SH3PXD2A: variants seen among roughly 807,000 people sequenced by gnomAD.
SH3PXD2A encodes the protein SH3 and PX domains 2A, also known as SH3 and PX domain-containing protein 2A.
SH3PXD2A carries 32 observed loss-of-function variants against 115.2 expected under a neutral mutation model. The observed-to-expected ratio is 0.28, with a 90% CI of 0.21 to 0.37. SH3PXD2A has a LOEUF of 0.37. Ranked by LOEUF, SH3PXD2A falls within the 10% of genes least tolerant of loss-of-function variation. The probability of loss-of-function intolerance (pLI) is 1.00; values close to 1 mark genes in which losing one functional copy is unlikely to be tolerated. For missense variants in SH3PXD2A, 1,328 were observed against 1,498.7 expected, an observed-to-expected ratio of 0.89 and a Z score of 1.88; for synonymous variants, 610 against 629.1, an observed-to-expected ratio of 0.97 and a Z score of 0.45.
At chr10:103,618,766 C>G (rs1368837629) in intron 10 of SH3PXD2A, among the ~76,000 whole-genome samples, 1 of 152,214 alleles carries the variant, frequency 6.6e-6, no homozygotes, top group Non-Finnish European at 1.5e-5. Flanking sequence ...CTCCTGGCTC[C>G]CAGCTGTGAC....
intron 8 of SH3PXD2A, among the ~76,000 whole-genome samples, chr10:103,657,770 T>G (rs2037232200): frequency 6.6e-6 from 1 of 152,210 alleles, no homozygotes; most frequent in East Asian, 1.9e-4. Context: ...AATGGATCAA[T>G]GAACAACATG....
chr10:103,769,177 T>TGCGCGC (rs1168636744), intron 2 of SH3PXD2A, among the ~76,000 whole-genome samples: 2 of 112,532 alleles, frequency 1.8e-5, no homozygotes, highest in African/African-American at 6.6e-5. Context: ...TGTGTGTGTG[T>TGCGCGC]GTGTGCGCGC....
At position 103,603,459 on chromosome 10, in the gene SH3PXD2A, C is replaced by T; in HGVS notation, c.1759G>A (p.Ala587Thr). 6.2e-7 allele frequency: 1 copy of T among 1,611,974 alleles called. No individual in the cohort carries two copies. Among genetic ancestry groups the T allele is most frequent in the East Asian group, 2.2e-5 (1 of 44,880 alleles). ...GCCGGCGAGGGCCGGTGGGGCTGGG[C>T]AGGCCGCCTCTCCCCTGAGGCTCTG... is the stretch of plus-strand genomic sequence containing the variant. ...EDRASGERRP[A>T]QPHRPSPASS... is the part of the protein sequence containing the mutation. Residue 587 changes from alanine to threonine, a missense_variant, in exon 15 of 15, where the codon GCC (alanine) becomes ACC (threonine). Ala to Thr is a moderately conservative substitution (Grantham distance 58). Around this residue, in one of 5 missense-constraint regions of SH3PXD2A, gnomAD observed 509 missense variants for 628.3 expected, o/e 0.81. Transcript: ENST00000369774.
intron 9 of SH3PXD2A, among the ~76,000 whole-genome samples, chr10:103,626,204 C>T (rs2036690831): frequency 6.6e-6 from 1 of 152,270 alleles, no homozygotes; most frequent in East Asian, 1.9e-4. Flanking sequence ...CCCAGCTGCC[C>T]GCCGAGTAAC....
At position 103,694,310 on chromosome 10, in the gene SH3PXD2A, T is replaced by C. The variant is rs189831606; in HGVS notation, c.399-1254A>G. Among the ~76,000 whole-genome samples the C allele has an allele frequency of 4.0e-4, 61 of 151,286 alleles. No individual in the cohort carries two copies. The East Asian group carries it at 0.011, about 28-fold the overall frequency. On this transcript the variant is annotated intron_variant, in intron 5 of 14. Transcript: ENST00000369774. ...TTTGGGGGGATGCGGTGGAAGGGGG[T>C]TCTCTTGGAGGAAGAGGCAGCAGGC... is the stretch of plus-strand genomic sequence containing the variant.
In SH3PXD2A at chr10:103,596,663, A is replaced by ACACACTCTCTCTCTCTCTCTCTCT; in HGVS notation, c.*5152_*5153insAGAGAGAGAGAGAGAGAGAGTGTG. On this transcript the variant is annotated 3_prime_UTR_variant, in exon 15 of 15. Transcript: ENST00000369774. ...CACACACACACACACACACACACAC[A>ACACACTCTCTCTCTCTCTCTCTCT]CTCTCTCTCTCTCTCTCTCTCTCAC... 38 of 124,508 alleles carry ACACACTCTCTCTCTCTCTCTCTCT rather than the reference A, an allele frequency of 3.1e-4. No homozygotes were observed. Among genetic ancestry groups the ACACACTCTCTCTCTCTCTCTCTCT allele is most frequent in the African/African-American group, 1.1e-3 (34 of 31,750 alleles). 7.7% of individuals were successfully genotyped at this position (124,508 alleles called of 1,614,324 possible).
At chr10:103,664,512 C>T (rs1046586673) in intron 7 of SH3PXD2A, among the ~76,000 whole-genome samples, 12 of 152,132 alleles carry the variant, frequency 7.9e-5, no homozygotes, top group Non-Finnish European at 1.6e-4. Context: ...GAACCCAAGC[C>T]CACCTGACAC....
intron 2 of SH3PXD2A, among the ~76,000 whole-genome samples, chr10:103,771,864 C>T (rs563030754): frequency 9.2e-5 from 14 of 152,236 alleles, no homozygotes; most frequent in African/African-American, 3.4e-4. Flanking sequence ...TTGGCAAGTT[C>T]TGATTCAGCA....
intron 2 of SH3PXD2A, among the ~76,000 whole-genome samples, chr10:103,785,260 C>T (rs1051553800): frequency 6.6e-6 from 1 of 152,208 alleles, no homozygotes; most frequent in African/African-American, 2.4e-5. Flanking sequence ...CTAGCAGGAA[C>T]AGCAATGGGG....
rs186793349 is a variant in SH3PXD2A at position 103,695,180 on chromosome 10, T to G, written c.399-2124A>C. On this transcript the variant is annotated intron_variant, in intron 5 of 14. Coordinates refer to ENST00000369774, the MANE Select transcript of SH3PXD2A (RefSeq NM_001394015.1). ...CCTGGCAGGAGAAGCCCAGGACTGA[T>G]GGCCCACTGACCATCCCCCTGGCTG... Among the ~76,000 whole-genome samples the G allele has an allele frequency of 2.4e-4, 37 of 152,250 alleles. No homozygotes were observed. The East Asian group carries it at 6.6e-3, about 27-fold the overall frequency.
At chr10:103,603,845 A>G in intron 14 of SH3PXD2A, 56 bp from the exon 15 acceptor site, 1 of 1,499,672 alleles carries the variant, frequency 6.7e-7, no homozygotes, top group Non-Finnish European at 8.9e-7. Flanking sequence ...ACCCTATGAC[A>G]TCCCAAGGTA....
At chr10:103,603,857 G>A in intron 14 of SH3PXD2A, 68 bp from the exon 15 acceptor site, 1 of 1,467,634 alleles carries the variant, frequency 6.8e-7, no homozygotes, top group Non-Finnish European at 9.0e-7. Flanking sequence ...CCCAAGGTAG[G>A]AGTATCATAC....
chr10:103,776,395 C>CAA lies in SH3PXD2A; in HGVS notation c.154-9228_154-9227dup, dbSNP rs11384789. Among the ~76,000 whole-genome samples the CAA allele has an allele frequency of 1.8e-3, 162 of 88,318 alleles. 1 individual carries two copies. The highest frequency in any genetic ancestry group is 1.5e-3 in the African/African-American group (40 of 25,988). The allele number at this position is 88,318 out of a possible 152,430, so 57.9% of individuals were successfully genotyped here. Reference sequence around the variant, plus strand: ...GTGACAGAGCTAGACACCACTGTCTCAAAAAAAAAAAAAAAAAAGTGTGTG... The same window carrying CAA: ...GTGACAGAGCTAGACACCACTGTCTCAAAAAAAAAAAAAAAAAAAAGTGTGTG... On this transcript the variant is annotated intron_variant, in intron 2 of 14. Coordinates refer to ENST00000369774, the MANE Select transcript of SH3PXD2A (RefSeq NM_001394015.1).
At chr10:103,680,544 T>C (rs1274903981) in intron 6 of SH3PXD2A, among the ~76,000 whole-genome samples, 1 of 152,214 alleles carries the variant, frequency 6.6e-6, no homozygotes, top group African/African-American at 2.4e-5. Flanking sequence ...CCCAAAGTGC[T>C]GGGATTACAG....
Position 103,605,755 on chromosome 10 carries a change from C to T in SH3PXD2A, c.1428+43G>A, listed in dbSNP as rs751739263. The T allele has an allele frequency of 1.1e-5, 18 of 1,612,642 alleles. No individual in the cohort carries two copies. The African/African-American group carries it at 2.0e-4, about 18-fold the overall frequency. ...AATGGGAAATGCAGTAGGTTTTCCA[C>T]CACAATGAGTTAAAACCCTCGGCCT... On this transcript the variant is annotated intron_variant, in intron 14 of 14. Transcript: ENST00000369774.
chr10:103,717,762 G>A (rs946202501), intron 5 of SH3PXD2A, among the ~76,000 whole-genome samples: 4 of 152,204 alleles, frequency 2.6e-5, no homozygotes, highest in African/African-American at 9.7e-5. Flanking sequence ...GAGTCCTGCC[G>A]GGCCAGTTTG....
chr10:103,656,843 A>G (rs1328348894), intron 8 of SH3PXD2A, among the ~76,000 whole-genome samples: 4 of 151,396 alleles, frequency 2.6e-5, no homozygotes, highest in Non-Finnish European at 5.9e-5. Flanking sequence ...AAAAAAAAAA[A>G]AAATCTACAT....
At chr10:103,787,435 CT>C (rs1220523510) in intron 2 of SH3PXD2A, among the ~76,000 whole-genome samples, 1 of 152,238 alleles carries the variant, frequency 6.6e-6, no homozygotes, top group Non-Finnish European at 1.5e-5. Context: ...CTTTGCCAGA[CT>C]GCCTGGCCCC....
chr10:103,848,545 C>T (rs1247440959), intron 1 of SH3PXD2A, among the ~76,000 whole-genome samples: 6 of 152,212 alleles, frequency 3.9e-5, no homozygotes, highest in Admixed American at 6.5e-5. Context: ...CGGAGCCTCT[C>T]AGAGCTGGCC....
Sources: gnomAD v4.1 joint callset for allele counts (sites outside exome capture counted in the v4.1 genomes callset) on GRCh38, gnomAD v4.1.1 for gene constraint, gnomAD v4.1.1 regional missense constraint, MANE v1.5 for transcripts, NCBI Gene and HGNC (gene_info 2026-07-23, HGNC 2026-07-21) for gene names.